SDK2: variants seen among roughly 807,000 people sequenced by gnomAD.
SDK2 encodes the protein sidekick cell adhesion molecule 2, also known as protein sidekick-2.
Under a neutral mutation model 253.9 loss-of-function variants are expected in SDK2, and 105 were observed. The ratio of observed to expected loss-of-function variants is 0.41; its 90% CI spans 0.35 to 0.49. SDK2 has a LOEUF of 0.49. Ranked by LOEUF, SDK2 falls within the 20% of genes least tolerant of loss-of-function variation. SDK2 has a pLI of 0.06. For missense variants in SDK2, 2,608 were observed against 3,003.0 expected (o/e 0.87, Z 3.07); for synonymous variants, 1,249 against 1,234.9 (o/e 1.01, Z -0.24).
intron 1 of SDK2, among the ~76,000 whole-genome samples, chr17:73,599,067 C>G (rs1018381814): frequency 6.6e-6 from 1 of 152,208 alleles, no homozygotes; most frequent in Non-Finnish European, 1.5e-5. Context: ...AGAGTTACCC[C>G]TTTTCTTGTT....
chr17:73,463,465 C>T (rs1304953800), intron 3 of SDK2, among the ~76,000 whole-genome samples: 2 of 152,236 alleles, frequency 1.3e-5, no homozygotes, highest in African/African-American at 2.4e-5. Flanking sequence ...ATAAACACTC[C>T]TGCACCTACC....
chr17:73,561,371 A>G (rs1006627323), intron 1 of SDK2, among the ~76,000 whole-genome samples: 11 of 152,310 alleles, frequency 7.2e-5, no homozygotes, highest in African/African-American at 2.6e-4. Flanking sequence ...AAAAGGGGCT[A>G]GGGTAGGGAG....
intron 1 of SDK2, among the ~76,000 whole-genome samples, chr17:73,572,021 C>T (rs893119088): frequency 6.6e-6 from 1 of 152,180 alleles, no homozygotes; most frequent in African/African-American, 2.4e-5. Flanking sequence ...ACAGAGACTC[C>T]CCTCCTCCCT....
chr17:73,483,639 ATATGTG>A (rs1306829486), intron 2 of SDK2, among the ~76,000 whole-genome samples: 2 of 48,236 alleles, frequency 4.1e-5, no homozygotes, highest in African/African-American at 1.5e-4. Context: ...ATGTATATAT[ATATGTG>A]TGTGTGTGTG....
Position 73,474,054 on chromosome 17 carries a change from T to TG in SDK2, c.225-1837dup, listed in dbSNP as rs201163571. 9.0e-3 allele frequency among the ~76,000 whole-genome samples: 1,371 copies of TG among 152,294 alleles called. 23 individuals are homozygous for TG. The highest frequency in any genetic ancestry group is 0.03 in the African/African-American group (1,234 of 41,554). On this transcript the variant is annotated intron_variant, in intron 2 of 44. Coordinates refer to ENST00000392650, the MANE Select transcript of SDK2 (RefSeq NM_001144952.2). ...AAAAGAAACTTTTTGAAAAAAGAGATGGGGGTCTTTCTATGTTTCTCAGGC... is the reference window on the plus strand; with the variant it reads ...AAAAGAAACTTTTTGAAAAAAGAGATGGGGGGTCTTTCTATGTTTCTCAGGC...
chr17:73,394,328 T>C lies in SDK2; in HGVS notation c.3593-4A>G, dbSNP rs982804810. 14 of 1,563,068 alleles carry C rather than the reference T, an allele frequency of 9.0e-6. No individual in the cohort carries two copies. Among genetic ancestry groups the C allele is most frequent in the Non-Finnish European group, 1.1e-5 (13 of 1,149,828 alleles). The stretch of plus-strand genomic sequence containing the variant: ...TTGGTGGGGCCGGAAGAGGGAACTG[T>C]GGGGGAAAGGGAGTGGAGAGAAGGC... On this transcript the variant is annotated splice_region_variant and splice_polypyrimidine_tract_variant and intron_variant, in intron 25 of 44. Transcript: ENST00000392650.
At chr17:73,522,998 T>A (rs1471168898) in intron 1 of SDK2, among the ~76,000 whole-genome samples, 1 of 152,194 alleles carries the variant, frequency 6.6e-6, no homozygotes, top group African/African-American at 2.4e-5. Flanking sequence ...CACAGCTTCT[T>A]AGCTTCTCTA....
At chr17:73,356,854 A>G (rs2062596168) in intron 40 of SDK2, among the ~76,000 whole-genome samples, 1 of 152,212 alleles carries the variant, frequency 6.6e-6, no homozygotes, top group Non-Finnish European at 1.5e-5. Flanking sequence ...ACAAACTTGG[A>G]ACACCAGAGT....
chr17:73,404,281 T>C (rs6501630), intron 18 of SDK2, among the ~76,000 whole-genome samples: 150,336 of 152,270 alleles, frequency 0.99, 74,241 homozygotes, highest in East Asian at 1. Flanking sequence ...CCTTCTCCAG[T>C]TGCACGTGGA....
At chr17:73,451,600 AGTGCCTGGAGG>A (rs1353995821) in intron 4 of SDK2, among the ~76,000 whole-genome samples, 1 of 152,232 alleles carries the variant, frequency 6.6e-6, no homozygotes, top group Non-Finnish European at 1.5e-5. Context: ...TGCTTTAACT[AGTGCCTGGAGG>A]GAAGCACCCT....
At chr17:73,559,226 C>A (rs144230014) in intron 1 of SDK2, among the ~76,000 whole-genome samples, 9 of 152,276 alleles carry the variant, frequency 5.9e-5, no homozygotes, top group Non-Finnish European at 1.2e-4. Flanking sequence ...AGCATGCCTG[C>A]CGAGTTCACA....
chr17:73,611,152 T>G (rs2045969648), intron 1 of SDK2, among the ~76,000 whole-genome samples: 1 of 152,238 alleles, frequency 6.6e-6, no homozygotes. Flanking sequence ...CACACAGCTC[T>G]GAGGGTCAAA....
At chr17:73,634,909 G>A (rs2046311638) in intron 1 of SDK2, among the ~76,000 whole-genome samples, 2 of 152,098 alleles carry the variant, frequency 1.3e-5, no homozygotes, top group Non-Finnish European at 1.5e-5. Flanking sequence ...TAGACAGGGT[G>A]TGTAACTCAT....
chr17:73,386,653 GC>G (rs1171978904), intron 30 of SDK2, 105 bp from the exon 31 acceptor site: 3 of 768,096 alleles, frequency 3.9e-6, no homozygotes, highest in Non-Finnish European at 6.7e-6. Context: ...GGGAAAGGGG[GC>G]AGGGTGCCAG....
chr17:73,419,238 T>C lies in SDK2; in HGVS notation c.2114A>G (p.Gln705Arg). Reference sequence around the variant, plus strand: ...CGGCTGCCACTGGATCATGATGGACTGGTTGGTTCGACCGCTGGCGATGAC... The same window carrying C: ...CGGCTGCCACTGGATCATGATGGACCGGTTGGTTCGACCGCTGGCGATGAC... ...QNVIASGRTN[Q>R]SIMIQWQPPP... Residue 705 changes from glutamine to arginine, a missense_variant, in exon 16 of 45, where the codon CAG becomes CGG. By Grantham distance (43) the Gln-to-Arg change is conservative. Transcript: ENST00000392650. 1.2e-6 allele frequency: 2 copies of C among 1,613,032 alleles called. No homozygotes were observed. Among genetic ancestry groups the C allele is most frequent in the Non-Finnish European group, 1.7e-6 (2 of 1,179,650 alleles).
Position 73,352,727 on chromosome 17 carries a change from C to T in SDK2, c.5594-90G>A, listed in dbSNP as rs531330687. On this transcript the variant is annotated intron_variant, in intron 40 of 44. Coordinates refer to ENST00000392650, the MANE Select transcript of SDK2 (RefSeq NM_001144952.2). The surrounding 1 kb of genome is among the most constrained non-coding windows in gnomAD (Gnocchi z 4.1). ...CCGTTCTGACTATGCTCCCTGAGGG[C>T]TGGGCCTGTTGGATCCTCCCTGCTC... The T allele has an allele frequency of 1.5e-6, 2 of 1,377,494 alleles. No homozygotes were observed. The highest frequency in any genetic ancestry group is 2.0e-6 in the Non-Finnish European group (2 of 991,074). The allele number at this position is 1,377,494 out of a possible 1,614,324, so 85.3% of individuals were successfully genotyped here.
Position 73,337,043 on chromosome 17 carries a change from GTGTATGTGTA to G in SDK2, c.*1534_*1543del, listed in dbSNP as rs1477659817. 7.3e-6 allele frequency: 1 copy of G among 137,836 alleles called. No individual in the cohort carries two copies. The highest frequency in any genetic ancestry group is 2.8e-5 in the African/African-American group (1 of 35,734). 8.5% of individuals were successfully genotyped at this position (137,836 alleles called of 1,614,324 possible). A position where few individuals can be genotyped will look rare whatever the true frequency, so the allele number is the denominator to read the frequency against. ...TGCAGAACACTCCTTGGAGCAGATT[GTGTATGTGTA>G]TGTGTGTGTGTGTGTGTGTGTGTGT... On this transcript the variant is annotated 3_prime_UTR_variant, in exon 45 of 45. Coordinates refer to ENST00000392650, the MANE Select transcript of SDK2 (RefSeq NM_001144952.2).
chr17:73,388,013 G>A lies in SDK2; in HGVS notation c.4217C>T (p.Pro1406Leu), dbSNP rs909729322. Residue 1406 changes from proline (P) to leucine (L), a missense_variant, in exon 30 of 45, where the codon CCG (proline) becomes CTG (leucine). Physicochemically the swap from Pro to Leu is moderately conservative, Grantham distance 98. This residue lies in a region of SDK2 where 1,103 missense variants were observed against 1,143.9 expected (regional missense o/e 0.96). Coordinates refer to ENST00000392650, the MANE Select transcript of SDK2 (RefSeq NM_001144952.2). ...KRDRPQPPSR[P>L]MVQQEDVRAR... ...TCTCACATCCTCCTGCTGCACCATC[G>A]GCCTGCTGGGGGGCTGCGGACGGTC... 5.7e-6 allele frequency: 9 copies of A among 1,568,436 alleles called. No homozygotes were observed. Among genetic ancestry groups the A allele is most frequent in the Middle Eastern group, 1.7e-4 (1 of 5,774 alleles).
intron 18 of SDK2, among the ~76,000 whole-genome samples, chr17:73,405,488 A>ATG (rs1568385647): frequency 1.6e-4 from 15 of 96,040 alleles, no homozygotes; most frequent in Non-Finnish European, 3.2e-4. Context: ...ATATATATAT[A>ATG]TATATATATA....
Sources: gnomAD v4.1 joint callset for allele counts (sites outside exome capture counted in the v4.1 genomes callset) on GRCh38, gnomAD v4.1.1 for gene constraint, gnomAD v4.1.1 regional missense constraint, Gnocchi (gnomAD v3.1) non-coding constraint, MANE v1.5 for transcripts, NCBI Gene and HGNC (gene_info 2026-07-23, HGNC 2026-07-21) for gene names.